Variants in KIFBP observed in about 807,000 individuals in gnomAD.
The protein encoded by KIFBP is KIF-binding protein.
KIFBP carries 46 observed loss-of-function variants against 58.9 expected under a neutral mutation model. That is an observed-to-expected ratio of 0.78 (90% CI 0.62 to 1.00). KIFBP has a LOEUF of 1.00. KIFBP is among the 50% of genes least tolerant of loss of function. The probability of loss-of-function intolerance (pLI) is 0.00; values close to 1 mark genes in which losing one functional copy is unlikely to be tolerated. For synonymous variants in KIFBP, 241 were observed against 283.4 expected (o/e 0.85, Z 1.50); for missense variants, 651 against 752.9 (o/e 0.86, Z 1.58).
intron 6 of KIFBP, chr10:69,011,239 C>G: frequency 2.0e-6 from 1 of 499,970 alleles, no homozygotes; most frequent in Non-Finnish European, 3.6e-6. Context: ...TGCACTCCAG[C>G]CTGGGCAACA....
chr10:69,015,970 CAG>C lies in KIFBP; in HGVS notation c.1421_1422del (p.Gln474LeufsTer2). 6.2e-7 allele frequency: 1 copy of C among 1,614,090 alleles called. No individual in the cohort carries two copies. The highest frequency in any genetic ancestry group is 8.5e-7 in the Non-Finnish European group (1 of 1,179,992). On this transcript the variant is annotated frameshift_variant, in exon 7 of 7. Coordinates refer to ENST00000361983, the MANE Select transcript of KIFBP (RefSeq NM_015634.4). LOFTEE classifies it high-confidence loss of function. The stretch of plus-strand genomic sequence containing the variant: ...TTATCTGTTGGTCAACAGACAGATC[CAG>C]TTTGAAATTGCACATGCTTACTATG... ...QYYLLVNRQI[Q>X]FEIAHAYYDM...
At chr10:68,991,825 A>T (rs2255933) in intron 1 of KIFBP, 12,162 of 152,990 alleles carry the variant, frequency 0.079, 670 homozygotes, top group African/African-American at 0.15. Context: ...CCCACCTAAA[A>T]TTTTTTCACT....
In KIFBP at chr10:69,015,528, T is replaced by C. The variant is rs770029743; in HGVS notation, c.991-13T>C. On this transcript the variant is annotated splice_polypyrimidine_tract_variant and intron_variant, in intron 6 of 6. Coordinates refer to ENST00000361983, the MANE Select transcript of KIFBP (RefSeq NM_015634.4). The stretch of plus-strand genomic sequence containing the variant: ...TGTCCTACTTAACCATAATTTATTT[T>C]TTTTTCCTTCAGGACAACATAGGAG... 3 of 1,612,594 alleles carry C rather than the reference T, an allele frequency of 1.9e-6. No individual in the cohort carries two copies. Among genetic ancestry groups the C allele is most frequent in the Non-Finnish European group, 2.5e-6 (3 of 1,179,458 alleles).
chr10:69,000,399 GT>G (rs1226010335), intron 1 of KIFBP, 24 bp from the exon 2 acceptor site: 7 of 1,459,926 alleles, frequency 4.8e-6, no homozygotes, highest in African/African-American at 4.2e-5. Context: ...ATCATTGTTT[GT>G]TTCTCTTTTT....
At chr10:68,990,079 G>C (rs1843323404) in intron 1 of KIFBP, among the ~76,000 whole-genome samples, 1 of 152,108 alleles carries the variant, frequency 6.6e-6, no homozygotes, top group South Asian at 2.1e-4. Context: ...TTGCATCTTA[G>C]GGAATTCTTC....
At chr10:68,999,130 C>T (rs1843437103) in intron 1 of KIFBP, among the ~76,000 whole-genome samples, 1 of 144,550 alleles carries the variant, frequency 6.9e-6, no homozygotes, top group Non-Finnish European at 1.5e-5. Flanking sequence ...CAGAGTCTTG[C>T]TCCATCACCC....
chr10:68,990,879 ACAGAAGAACAGTACACAATTATT>A lies in KIFBP; in HGVS notation c.426+1622_426+1644del, dbSNP rs1411199525. ...TATGATTAAATTCCGTTACATCCAA[ACAGAAGAACAGTACACAATTATT>A]AAAAATAATAATTTATATTAACAAA... On this transcript the variant is annotated intron_variant, in intron 1 of 6. Transcript: ENST00000361983. Among the ~76,000 whole-genome samples, 4 of 152,274 alleles carry A rather than the reference ACAGAAGAACAGTACACAATTATT, an allele frequency of 2.6e-5. No individual in the cohort carries two copies. The East Asian group carries it at 7.7e-4, about 29-fold the overall frequency.
chr10:69,000,289 A>T, intron 1 of KIFBP, 135 bp from the exon 2 acceptor site: 1 of 685,434 alleles, frequency 1.5e-6, no homozygotes, highest in Non-Finnish European at 2.7e-6. Context: ...GGTCAATATC[A>T]TTGTGAATAA....
In KIFBP at chr10:69,016,058, T is replaced by TA. The variant is rs781469363; in HGVS notation, c.1516dup (p.Ile506AsnfsTer3). The TA allele has an allele frequency of 5.6e-5, 91 of 1,613,630 alleles. No homozygotes were observed. Among genetic ancestry groups the TA allele is most frequent in the Non-Finnish European group, 1.9e-5 (23 of 1,179,848 alleles). On this transcript the variant is annotated frameshift_variant, in exon 7 of 7. Transcript: ENST00000361983. LOFTEE classifies it high-confidence loss of function. ...CTAAGGGATCCTGATTCACACATTG[T>TA]AAAAAAAATAAATAATCTTAATAAG...
intron 1 of KIFBP, among the ~76,000 whole-genome samples, chr10:68,992,324 T>C (rs2132106525): frequency 6.6e-6 from 1 of 152,292 alleles, no homozygotes; most frequent in East Asian, 1.9e-4. Context: ...CTTTTCATCT[T>C]TTTATGTGTG....
chr10:68,995,266 GCTGGGATTACAGGTATGTGCCA>G (rs1447699738), intron 1 of KIFBP: 1 of 152,146 alleles, frequency 6.6e-6, no homozygotes, highest in Non-Finnish European at 1.5e-5. Flanking sequence ...CTCCCAAAGT[GCTGGGATTACAGGTATGTGCCA>G]CTGTACCCAG....
chr10:68,988,859 C>A lies in KIFBP; in HGVS notation c.27C>A (p.Val9=). 6.2e-7 allele frequency: 1 copy of A among 1,614,264 alleles called. No homozygotes were observed. The highest frequency in any genetic ancestry group is 1.3e-5 in the African/African-American group (1 of 75,084). Residue 9 remains valine (V), a synonymous_variant, in exon 1 of 7, where the codon GTC becomes GTA. Transcript: ENST00000361983. MANVPWAE[V]CEKFQAALAL... ...TGGCGAACGTTCCGTGGGCAGAGGT[C>A]TGCGAGAAATTCCAGGCGGCGCTCG...
intron 1 of KIFBP, chr10:68,991,081 G>A (rs1161529249): frequency 6.6e-6 from 1 of 152,226 alleles, no homozygotes; most frequent in East Asian, 1.9e-4. Context: ...GACCAACCTG[G>A]GCACATAGTG....
rs1564639628 is a variant in KIFBP at position 69,016,019 on chromosome 10, C to T, written c.1469C>T (p.Ala490Val). 2 of 1,614,062 alleles carry T rather than the reference C, an allele frequency of 1.2e-6. No homozygotes were observed. The highest frequency in any genetic ancestry group is 8.5e-7 in the Non-Finnish European group (1 of 1,180,000). ...AYYDMMDLKV[A>V]IADRLRDPDS... Reference sequence around the variant, plus strand: ...TATGATATGATGGATTTGAAGGTTGCCATTGCTGACAGGCTAAGGGATCCT... The same window carrying T: ...TATGATATGATGGATTTGAAGGTTGTCATTGCTGACAGGCTAAGGGATCCT... Residue 490 changes from alanine (A) to valine (V), a missense_variant, in exon 7 of 7, where the codon GCC (alanine) becomes GTC (valine). Ala to Val is a moderately conservative substitution (Grantham distance 64, BLOSUM62 0). Coordinates refer to ENST00000361983, the MANE Select transcript of KIFBP (RefSeq NM_015634.4).
At chr10:69,015,500 G>A (rs1179452686) in intron 6 of KIFBP, 41 bp from the exon 7 acceptor site, 2 of 1,581,978 alleles carry the variant, frequency 1.3e-6, no homozygotes, top group Non-Finnish European at 1.7e-6. Flanking sequence ...AGCAGGAGGT[G>A]AGTGTCCTAC....
chr10:69,009,044 C>A, intron 5 of KIFBP, 119 bp downstream of exon 5: 3 of 745,036 alleles, frequency 4.0e-6, no homozygotes, highest in Non-Finnish European at 4.7e-6. Flanking sequence ...CTAAATGCAC[C>A]AATTTTTAGT....
chr10:69,005,813 C>T lies in KIFBP; in HGVS notation c.687C>T (p.His229=). 1 of 1,614,086 alleles carries T rather than the reference C, an allele frequency of 6.2e-7. No homozygotes were observed. The highest frequency in any genetic ancestry group is 8.5e-7 in the Non-Finnish European group (1 of 1,179,928). ...QHLEMFEKAA[H]YCHSTLKRQL... ...TGGAAATGTTTGAGAAGGCTGCTCA[C>T]TATTGCCATAGTACACTAAAACGCC... The change falls in exon 4 of 7, where the codon CAC becomes CAT. Residue 229 remains histidine, a synonymous_variant. Transcript: ENST00000361983.
rs1265597786 is a variant in KIFBP, at chr10:68,988,855, A to C, written c.23A>C (p.Glu8Ala). Residue 8 changes from glutamate (E) to alanine (A), a missense_variant, in exon 1 of 7, where the codon GAG becomes GCG. By Grantham distance (107) the Glu-to-Ala change is moderately radical. Transcript: ENST00000361983. The part of the protein sequence containing the change: MANVPWA[E>A]VCEKFQAALA... ...GCTATGGCGAACGTTCCGTGGGCAG[A>C]GGTCTGCGAGAAATTCCAGGCGGCG... 6.2e-7 allele frequency: 1 copy of C among 1,614,262 alleles called. No homozygotes were observed. The highest frequency in any genetic ancestry group is 1.1e-5 in the South Asian group (1 of 91,092).
At position 68,989,258 on chromosome 10, in the gene KIFBP, G is replaced by A. The variant is rs1843314739; in HGVS notation, c.426G>A (p.Gln142=). Residue 142 remains glutamine, a splice_region_variant and synonymous_variant, in exon 1 of 7, where the codon CAG becomes CAA. Coordinates refer to ENST00000361983, the MANE Select transcript of KIFBP (RefSeq NM_015634.4). ...GCATCTCTCTCTGCATCCAGGCGCA[G>A]GTGAGAGCGAGCCCGGCCAGGCCGG... is the stretch of plus-strand genomic sequence containing the variant. The part of the protein sequence containing the change: ...HDCISLCIQA[Q]NNLGILWSER... The A allele has an allele frequency of 6.2e-7, 1 of 1,612,664 alleles. No individual in the cohort carries two copies. The highest frequency in any genetic ancestry group is 1.7e-5 in the Admixed American group (1 of 59,954).
Sources: allele counts gnomAD v4.1 joint callset (sites outside exome capture counted in the v4.1 genomes callset), GRCh38; gene constraint gnomAD v4.1.1; transcripts MANE v1.5; gene names NCBI Gene and HGNC (gene_info 2026-07-23, HGNC 2026-07-21).